The following KCNC1 variants were observed in gnomAD, a reference collection of about 807,000 sequenced individuals.
KCNC1 encodes the protein voltage-gated potassium channel KCNC1.
A neutral mutation model predicts 43.4 loss-of-function variants in KCNC1; 8 were observed. The observed-to-expected ratio is 0.18, with a 90% confidence interval of 0.11 to 0.33. The LOEUF (loss-of-function observed/expected upper bound fraction) is 0.33, where lower values mean the gene tolerates loss of function less well. Ranked by LOEUF, KCNC1 falls within the 10% of genes least tolerant of loss-of-function variation. KCNC1 has a pLI of 1.00. For synonymous variants in KCNC1, 361 were observed against 360.5 expected (o/e 1.00, Z -0.01); for missense variants, 420 against 836.0 (o/e 0.50, Z 6.14).
rs534765922 is a variant in KCNC1 at position 17,773,027 on chromosome 11, T to C, written c.1504+429T>C. On this transcript the variant is annotated intron_variant, in intron 2 of 3. Transcript: ENST00000265969. This position sits in a 1 kb window ranked among gnomAD's most constrained non-coding sequence, Gnocchi z 4.1. ...GCTAGACAGCCTTTGATCTGGTCCT[T>C]ACCATGGCTCCCTTCAGGCTGTGTA... 2 of 1,033,232 alleles carry C rather than the reference T, an allele frequency of 1.9e-6. No homozygotes were observed. Among genetic ancestry groups the C allele is most frequent in the South Asian group, 7.9e-5 (2 of 25,198 alleles). 64.0% of individuals were successfully genotyped at this position (1,033,232 alleles called of 1,614,324 possible). A position where few individuals can be genotyped will look rare whatever the true frequency, so the allele number is the denominator to read the frequency against.
Position 17,745,960 on chromosome 11 carries a change from A to G in KCNC1, c.570+9388A>G, listed in dbSNP as rs80276843. Among the ~76,000 whole-genome samples, 12 of 152,326 alleles carry G rather than the reference A, an allele frequency of 7.9e-5. No homozygotes were observed. The East Asian group carries it at 2.3e-3, about 29-fold the overall frequency. The stretch of plus-strand genomic sequence containing the variant: ...GTTTCCCCACTAGACTGTACAGTCC[A>G]TGAGGGCAGGGATTTTTGTCTCTTT... On this transcript the variant is annotated intron_variant, in intron 1 of 3. Transcript: ENST00000265969.
rs1849290008 is a variant in KCNC1 at position 17,776,526 on chromosome 11, T to A, written c.1505-2930T>A. 1.0e-6 allele frequency: 1 copy of A among 983,532 alleles called. No individual in the cohort carries two copies. Among genetic ancestry groups the A allele is most frequent in the Non-Finnish European group, 1.2e-6 (1 of 828,650 alleles). 60.9% of individuals were successfully genotyped at this position (983,532 alleles called of 1,614,324 possible). A position where few individuals can be genotyped will look rare whatever the true frequency, so the allele number is the denominator to read the frequency against. ...CTCGGGTTCTCCTTGCTCCAAAGTT[T>A]AAAAAAAAATGACCCTCTCGCAGAT... is the stretch of plus-strand genomic sequence containing the variant. On this transcript the variant is annotated intron_variant, in intron 2 of 3. Transcript: ENST00000265969. This position sits in a 1 kb window ranked among gnomAD's most constrained non-coding sequence, Gnocchi z 4.4.
rs773178512 is a variant in KCNC1, at chr11:17,736,622, T to C, written c.570+50T>C. On this transcript the variant is annotated intron_variant, in intron 1 of 3. Coordinates refer to ENST00000265969, the MANE Select transcript of KCNC1 (RefSeq NM_001112741.2). The surrounding 1 kb of genome is among the most constrained non-coding windows in gnomAD (Gnocchi z 9.3). Reference sequence around the variant, plus strand: ...AGAGCGGGGCGGGAAGGCAGCGTCCTGTGCCTCCCCGCGGGCAGGGGTGGA... The same window carrying C: ...AGAGCGGGGCGGGAAGGCAGCGTCCCGTGCCTCCCCGCGGGCAGGGGTGGA... The C allele has an allele frequency of 2.1e-6, 3 of 1,450,042 alleles. No homozygotes were observed. The highest frequency in any genetic ancestry group is 2.7e-5 in the Admixed American group (1 of 36,562). 89.8% of individuals were successfully genotyped at this position (1,450,042 alleles called of 1,614,324 possible).
intron 1 of KCNC1, among the ~76,000 whole-genome samples, chr11:17,752,909 C>T (rs991670973): frequency 5.3e-5 from 8 of 152,240 alleles, no homozygotes; most frequent in African/African-American, 1.4e-4. Flanking sequence ...CCCAGTTCTG[C>T]ACTCTTATTT....
intron 1 of KCNC1, among the ~76,000 whole-genome samples, chr11:17,740,675 T>A (rs1486927663): frequency 3.3e-5 from 5 of 152,126 alleles, no homozygotes. Flanking sequence ...TGTTAACATC[T>A]GTTCCTGAGT....
intron 1 of KCNC1, among the ~76,000 whole-genome samples, chr11:17,761,770 A>G (rs1220401479): frequency 6.6e-6 from 1 of 152,088 alleles, no homozygotes; most frequent in Non-Finnish European, 1.5e-5. Context: ...GTGGCATCAG[A>G]GCCTCCTGGG....
At position 17,782,458 on chromosome 11, in the gene KCNC1, A is replaced by T. The variant is rs942282491; in HGVS notation, c.*724A>T. 2 of 152,186 alleles carry T rather than the reference A, an allele frequency of 1.3e-5. No homozygotes were observed. Among genetic ancestry groups the T allele is most frequent in the Non-Finnish European group, 2.9e-5 (2 of 68,048 alleles). 9.4% of individuals were successfully genotyped at this position (152,186 alleles called of 1,614,324 possible). ...CCCTGACAGCAGCTAGTCTAGGTTG[A>T]TTCTCTCATCTTATCGGTGTGTAGA... On this transcript the variant is annotated 3_prime_UTR_variant, in exon 4 of 4. Transcript: ENST00000265969.
In KCNC1 at chr11:17,779,847, T is replaced by C; in HGVS notation, c.1693+203T>C. 4.6e-6 allele frequency: 2 copies of C among 434,170 alleles called. No individual in the cohort carries two copies. The highest frequency in any genetic ancestry group is 8.1e-6 in the Non-Finnish European group (2 of 248,382). 26.9% of individuals were successfully genotyped at this position (434,170 alleles called of 1,614,324 possible). Reference sequence around the variant, plus strand: ...GAGATGTCAGGCTGGCAGAGAGAACTTGAGGCCCTGGCAGCTGTGGGTTGC... The same window carrying C: ...GAGATGTCAGGCTGGCAGAGAGAACCTGAGGCCCTGGCAGCTGTGGGTTGC... On this transcript the variant is annotated intron_variant, in intron 3 of 3. Coordinates refer to ENST00000265969, the MANE Select transcript of KCNC1 (RefSeq NM_001112741.2). This position sits in a 1 kb window ranked among gnomAD's most constrained non-coding sequence, Gnocchi z 7.2.
At chr11:17,752,500 C>T (rs1031943003) in intron 1 of KCNC1, among the ~76,000 whole-genome samples, 1 of 152,266 alleles carries the variant, frequency 6.6e-6, no homozygotes, top group African/African-American at 2.4e-5. Flanking sequence ...CAGACATCTG[C>T]ACACACAGGC....
At position 17,771,709 on chromosome 11, in the gene KCNC1, C is replaced by T; in HGVS notation, c.615C>T (p.Thr205=). 2 of 1,612,706 alleles carry T rather than the reference C, an allele frequency of 1.2e-6. No homozygotes were observed. The highest frequency in any genetic ancestry group is 1.7e-6 in the Non-Finnish European group (2 of 1,178,722). The change falls in exon 2 of 4, where the codon ACC becomes ACT. Residue 205 remains threonine, a synonymous_variant. Coordinates refer to ENST00000265969, the MANE Select transcript of KCNC1 (RefSeq NM_001112741.2). The surrounding 1 kb of genome is among the most constrained non-coding windows in gnomAD (Gnocchi z 4.7). ...TCTTCTTCATCCTGGTCTCCATCACCACCTTCTGCCTGGAGACCCACGAGC... is the reference window on the plus strand; with the variant it reads ...TCTTCTTCATCCTGGTCTCCATCACTACCTTCTGCCTGGAGACCCACGAGC... ...ASLFFILVSI[T]TFCLETHERF...
chr11:17,735,902 G>A lies in KCNC1; in HGVS notation c.-101G>A. Reference sequence around the variant, plus strand: ...CTGTTCCCCCCGACGGCTGGGGGGAGGGGGGAAGAGGGCGCGCGCCCCCCT... The same window carrying A: ...CTGTTCCCCCCGACGGCTGGGGGGAAGGGGGAAGAGGGCGCGCGCCCCCCT... On this transcript the variant is annotated 5_prime_UTR_variant, in exon 1 of 4. Coordinates refer to ENST00000265969, the MANE Select transcript of KCNC1 (RefSeq NM_001112741.2). The surrounding 1 kb of genome is among the most constrained non-coding windows in gnomAD (Gnocchi z 6.7). The A allele has an allele frequency of 7.7e-7, 1 of 1,296,142 alleles. No homozygotes were observed. Among genetic ancestry groups the A allele is most frequent in the South Asian group, 1.7e-5 (1 of 57,414 alleles). The allele number at this position is 1,296,142 out of a possible 1,614,324, so 80.3% of individuals were successfully genotyped here. A position where few individuals can be genotyped will look rare whatever the true frequency, so the allele number is the denominator to read the frequency against.
chr11:17,739,362 CGTGTGTGTGTGT>C lies in KCNC1; in HGVS notation c.570+2816_570+2827del, dbSNP rs35211986. 5.7e-3 allele frequency among the ~76,000 whole-genome samples: 854 copies of C among 149,436 alleles called. 10 individuals carry two copies. Among genetic ancestry groups the C allele is most frequent in the Middle Eastern group, 0.014 (4 of 290 alleles). ...GTGAGAATAAATGTGAGACTCCAGG[CGTGTGTGTGTGT>C]GTGTGTGTGTGTGTGTGTGTGTGTG... is the stretch of plus-strand genomic sequence containing the variant. On this transcript the variant is annotated intron_variant, in intron 1 of 3. Coordinates refer to ENST00000265969, the MANE Select transcript of KCNC1 (RefSeq NM_001112741.2). This position sits in a 1 kb window ranked among gnomAD's most constrained non-coding sequence, Gnocchi z 4.2.
At chr11:17,764,977 T>C (rs2133799681) in intron 1 of KCNC1, among the ~76,000 whole-genome samples, 1 of 152,346 alleles carries the variant, frequency 6.6e-6, no homozygotes, top group South Asian at 2.1e-4. Context: ...TGGGCAGATT[T>C]AATTAGGCGG....
At chr11:17,759,363 G>A (rs913407271) in intron 1 of KCNC1, among the ~76,000 whole-genome samples, 9 of 152,206 alleles carry the variant, frequency 5.9e-5, no homozygotes, top group African/African-American at 2.2e-4. Context: ...CTTTCTATCA[G>A]TAGTAAGGCT....
rs868512387 is a variant in KCNC1 at position 17,771,812 on chromosome 11, G to A, written c.718G>A (p.Glu240Lys). Residue 240 changes from glutamate to lysine, a missense_variant, in exon 2 of 4, where the codon GAG becomes AAG. Physicochemically the swap from Glu to Lys is moderately conservative, Grantham distance 56. Coordinates refer to ENST00000265969, the MANE Select transcript of KCNC1 (RefSeq NM_001112741.2). This position sits in a 1 kb window ranked among gnomAD's most constrained non-coding sequence, Gnocchi z 4.7. ...GCAAGTGCGCTACTACCGGGAGGCCGAGACGGAGGCCTTCCTTACCTACAT... is the reference window on the plus strand; with the variant it reads ...GCAAGTGCGCTACTACCGGGAGGCCAAGACGGAGGCCTTCCTTACCTACAT... ...GTQVRYYREA[E>K]TEAFLTYIEG... 9 of 1,614,116 alleles carry A rather than the reference G, an allele frequency of 5.6e-6. No individual in the cohort carries two copies. Among genetic ancestry groups the A allele is most frequent in the East Asian group, 2.2e-5 (1 of 44,892 alleles).
At chr11:17,750,720 T>A (rs1848958643) in intron 1 of KCNC1, among the ~76,000 whole-genome samples, 1 of 152,184 alleles carries the variant, frequency 6.6e-6, no homozygotes, top group Non-Finnish European at 1.5e-5. Context: ...CTTATTCCGT[T>A]GCCTCCACTG....
intron 1 of KCNC1, among the ~76,000 whole-genome samples, chr11:17,751,100 C>G (rs1350855810): frequency 6.6e-6 from 1 of 152,160 alleles, no homozygotes; most frequent in African/African-American, 2.4e-5. Flanking sequence ...CAGAGAGAAT[C>G]ATTTATTTGT....
chr11:17,778,859 T>A (rs1411633038), intron 2 of KCNC1, among the ~76,000 whole-genome samples: 1 of 86,372 alleles, frequency 1.2e-5, no homozygotes, highest in Non-Finnish European at 2.3e-5. Context: ...GGGCGCAGGC[T>A]GAGTGATTAG....
chr11:17,778,382 G>A (rs1466589008), intron 2 of KCNC1, among the ~76,000 whole-genome samples: 2 of 152,218 alleles, frequency 1.3e-5, no homozygotes, highest in Non-Finnish European at 2.9e-5. Flanking sequence ...CCCCACCCAA[G>A]TCCATCAGCC....
Sources: allele counts gnomAD v4.1 joint callset (sites outside exome capture counted in the v4.1 genomes callset), GRCh38; gene constraint gnomAD v4.1.1; non-coding constraint Gnocchi (gnomAD v3.1); transcripts MANE v1.5; gene names NCBI Gene and HGNC (gene_info 2026-07-23, HGNC 2026-07-21).